Variants in PALS2 observed in about 807,000 individuals in gnomAD.
The protein encoded by PALS2 is protein PALS2.
In PALS2, 27 loss-of-function variants were observed where a neutral mutation model predicts 61.6. The observed-to-expected ratio is 0.44, with a 90% confidence interval of 0.32 to 0.60. The LOEUF (loss-of-function observed/expected upper bound fraction) is 0.60. PALS2 is among the 20% of genes least tolerant of loss of function. The probability of loss-of-function intolerance (pLI) is 0.05; values close to 1 mark genes in which losing one functional copy is unlikely to be tolerated. For missense variants in PALS2, 554 were observed against 639.4 expected, an observed-to-expected ratio of 0.87 and a Z score of 1.44; for synonymous variants, 236 against 218.6, an observed-to-expected ratio of 1.08 and a Z score of -0.70.
chr7:24,648,479 A>G (rs1394681107), intron 3 of PALS2, among the ~76,000 whole-genome samples: 3 of 151,484 alleles, frequency 2.0e-5, no homozygotes, highest in African/African-American at 4.8e-5. Flanking sequence ...TTTTTAGTAG[A>G]GACAGAGTGT....
intron 11 of PALS2, among the ~76,000 whole-genome samples, chr7:24,686,725 T>C (rs893487369): frequency 6.6e-6 from 1 of 152,218 alleles, no homozygotes; most frequent in African/African-American, 2.4e-5. Flanking sequence ...TGAAACATAG[T>C]AGACACCTTA....
chr7:24,607,355 C>G (rs1783937260), intron 1 of PALS2, among the ~76,000 whole-genome samples: 1 of 151,828 alleles, frequency 6.6e-6, no homozygotes, highest in Non-Finnish European at 1.5e-5. Context: ...ATTGCTACAA[C>G]CTGTTTAAAG....
intron 8 of PALS2, 137 bp from the exon 9 acceptor site, chr7:24,668,362 C>T: frequency 1.3e-6 from 1 of 750,218 alleles, no homozygotes. Context: ...TTTGTAAAAA[C>T]AAATCTATGC....
rs1378074976 is a variant in PALS2, at chr7:24,573,719, C to T, written c.-3+126C>T. ...CCCTGGCCCGCCCCGCCCCCCTCGG[C>T]ACCTGGGCTTCGGCGGGCGCGGGGA... On this transcript the variant is annotated intron_variant, in intron 1 of 11. Coordinates refer to ENST00000222644, the MANE Select transcript of PALS2 (RefSeq NM_001303037.2). The surrounding 1 kb of genome is among the most constrained non-coding windows in gnomAD (Gnocchi z 5.3). 6.6e-6 allele frequency: 1 copy of T among 152,222 alleles called. No homozygotes were observed. The allele number at this position is 152,222 out of a possible 1,614,324, so 9.4% of individuals were successfully genotyped here. A position where few individuals can be genotyped will look rare whatever the true frequency, so the allele number is the denominator to read the frequency against.
At chr7:24,653,547 A>T (rs1048941124) in intron 5 of PALS2, among the ~76,000 whole-genome samples, 7 of 152,256 alleles carry the variant, frequency 4.6e-5, no homozygotes, top group Non-Finnish European at 8.8e-5. Context: ...ACGAAATTCC[A>T]CTTTCGTTTT....
At chr7:24,663,494 C>T in intron 5 of PALS2, 96 bp from the exon 6 acceptor site, 1 of 1,170,292 alleles carries the variant, frequency 8.5e-7, no homozygotes, top group Non-Finnish European at 1.2e-6. Context: ...AATACATTGT[C>T]AGTTACAATT....
At chr7:24,643,106 G>A (rs1226250627) in intron 3 of PALS2, among the ~76,000 whole-genome samples, 1 of 152,098 alleles carries the variant, frequency 6.6e-6, no homozygotes, top group Non-Finnish European at 1.5e-5. Context: ...GTGGGAAGTT[G>A]ATAACACAAT....
At position 24,687,098 on chromosome 7, in the gene PALS2, T is replaced by C. The variant is rs913949927; in HGVS notation, c.1447-340T>C. Among the ~76,000 whole-genome samples the C allele has an allele frequency of 1.3e-5, 2 of 152,222 alleles. No homozygotes were observed. The highest frequency in any genetic ancestry group is 4.8e-5 in the African/African-American group (2 of 41,460). The stretch of plus-strand genomic sequence containing the variant: ...TAAAAATCTTTCGAAAAGGATGATA[T>C]AGTGGAGCTGGAAACCAGTCACCTG... On this transcript the variant is annotated intron_variant, in intron 11 of 11. Coordinates refer to ENST00000222644, the MANE Select transcript of PALS2 (RefSeq NM_001303037.2). The surrounding 1 kb of genome is among the most constrained non-coding windows in gnomAD (Gnocchi z 4.5).
chr7:24,632,382 T>C (rs1486923633), intron 2 of PALS2, among the ~76,000 whole-genome samples: 1 of 152,182 alleles, frequency 6.6e-6, no homozygotes, highest in Non-Finnish European at 1.5e-5. Context: ...TCGATCTTTT[T>C]TAATTCACTC....
At chr7:24,625,566 C>T (rs1371822345) in intron 2 of PALS2, among the ~76,000 whole-genome samples, 2 of 152,180 alleles carry the variant, frequency 1.3e-5, no homozygotes, top group African/African-American at 4.8e-5. Context: ...ATTCTGTGTT[C>T]TACCTACTCC....
At chr7:24,662,814 C>T (rs1360036529) in intron 5 of PALS2, among the ~76,000 whole-genome samples, 1 of 141,564 alleles carries the variant, frequency 7.1e-6, no homozygotes, top group Admixed American at 7.1e-5. Flanking sequence ...AGAAAGACAG[C>T]AATTGGTCTG....
intron 1 of PALS2, among the ~76,000 whole-genome samples, chr7:24,621,489 G>A (rs942944392): frequency 6.6e-6 from 1 of 152,048 alleles, no homozygotes; most frequent in Non-Finnish European, 1.5e-5. Flanking sequence ...AGAGTCTGAA[G>A]ATAGGGAAAG....
At chr7:24,667,951 C>A (rs1401392423) in intron 8 of PALS2, among the ~76,000 whole-genome samples, 2 of 151,970 alleles carry the variant, frequency 1.3e-5, no homozygotes, top group Non-Finnish European at 2.9e-5. Context: ...CAGGCATGAG[C>A]CACCATGCCC....
chr7:24,581,125 T>G (rs566833972), intron 1 of PALS2, among the ~76,000 whole-genome samples: 39 of 152,286 alleles, frequency 2.6e-4, no homozygotes, highest in African/African-American at 8.7e-4. Flanking sequence ...AAGGGAGAAC[T>G]TACTTGTTGC....
chr7:24,676,606 G>T (rs1244813490), intron 9 of PALS2, among the ~76,000 whole-genome samples: 2 of 152,046 alleles, frequency 1.3e-5, no homozygotes, highest in East Asian at 3.9e-4. Context: ...CTAGCCAGTG[G>T]TCCCAGCACC....
At chr7:24,592,049 A>G (rs965371832) in intron 1 of PALS2, among the ~76,000 whole-genome samples, 2 of 152,152 alleles carry the variant, frequency 1.3e-5, no homozygotes, top group Admixed American at 1.3e-4. Context: ...AGCCGAAACA[A>G]GAAAGCAGAG....
intron 2 of PALS2, among the ~76,000 whole-genome samples, chr7:24,633,310 T>C (rs1785084872): frequency 6.6e-6 from 1 of 151,530 alleles, no homozygotes; most frequent in Non-Finnish European, 1.5e-5. Context: ...TTAACTTTTT[T>C]ATGATAACTT....
At chr7:24,658,482 G>T (rs1010791047) in intron 5 of PALS2, among the ~76,000 whole-genome samples, 1 of 151,580 alleles carries the variant, frequency 6.6e-6, no homozygotes, top group Non-Finnish European at 1.5e-5. Flanking sequence ...ATTTTGATTG[G>T]CTGCCAGGCA....
chr7:24,621,069 C>G (rs898211081), intron 1 of PALS2, among the ~76,000 whole-genome samples: 1 of 152,114 alleles, frequency 6.6e-6, no homozygotes, highest in Non-Finnish European at 1.5e-5. Context: ...AAAATTGATT[C>G]TATTGTTCCC....
Sources: gnomAD v4.1 joint callset for allele counts (sites outside exome capture counted in the v4.1 genomes callset) on GRCh38, gnomAD v4.1.1 for gene constraint, Gnocchi (gnomAD v3.1) non-coding constraint, MANE v1.5 for transcripts, NCBI Gene and HGNC (gene_info 2026-07-23, HGNC 2026-07-21) for gene names.